NFIA: variants seen among roughly 807,000 people sequenced by gnomAD.
NFIA encodes nuclear factor I A, also known as nuclear factor 1 A-type.
A neutral mutation model predicts 62.8 loss-of-function variants in NFIA; 8 were observed. The ratio of observed to expected loss-of-function variants is 0.13; its 90% CI spans 0.07 to 0.23. The LOEUF is 0.23. NFIA is among the 10% of genes least tolerant of loss of function. The pLI is 1.00. For missense variants in NFIA, 410 were observed against 642.1 expected, an observed-to-expected ratio of 0.64 and a Z score of 3.91; for synonymous variants, 235 against 238.1, an observed-to-expected ratio of 0.99 and a Z score of 0.12.
intron 2 of NFIA, among the ~76,000 whole-genome samples, chr1:61,110,042 A>C (rs1314490334): frequency 6.6e-6 from 1 of 151,916 alleles, no homozygotes; most frequent in Non-Finnish European, 1.5e-5. Context: ...GTTGAGAGAG[A>C]GTGAAAGAGA....
chr1:61,344,651 G>T (rs1223686812), intron 4 of NFIA, among the ~76,000 whole-genome samples: 2 of 152,222 alleles, frequency 1.3e-5, no homozygotes, highest in African/African-American at 2.4e-5. Context: ...CTGGAATGAT[G>T]CCTGGCTCAC....
At chr1:61,340,718 G>C (rs1017246141) in intron 4 of NFIA, among the ~76,000 whole-genome samples, 1 of 152,140 alleles carries the variant, frequency 6.6e-6, no homozygotes, top group South Asian at 2.1e-4. Flanking sequence ...GTGTGTGTGC[G>C]TGTATAAATT....
chr1:61,101,388 T>G (rs1265760458), intron 2 of NFIA, among the ~76,000 whole-genome samples: 1 of 118,974 alleles, frequency 8.4e-6, no homozygotes, highest in Non-Finnish European at 1.7e-5. Flanking sequence ...AGAGTGAAAC[T>G]CCATCTCAAA....
intron 6 of NFIA, among the ~76,000 whole-genome samples, chr1:61,378,600 G>A (rs11807521): frequency 0.17 from 25,318 of 152,124 alleles, 2,902 homozygotes; most frequent in African/African-American, 0.33. Context: ...GCAACTTGAA[G>A]CAACACACAG....
At chr1:61,175,024 A>G (rs112855936) in intron 2 of NFIA, among the ~76,000 whole-genome samples, 31 of 150,458 alleles carry the variant, frequency 2.1e-4, no homozygotes, top group African/African-American at 6.6e-4. Context: ...TATAGGATTT[A>G]AAAAAAAACA....
At chr1:61,342,431 A>G (rs1168499440) in intron 4 of NFIA, among the ~76,000 whole-genome samples, 2 of 152,238 alleles carry the variant, frequency 1.3e-5, no homozygotes, top group African/African-American at 4.8e-5. Context: ...TGTATCAGAT[A>G]CTAAGCAGGT....
In NFIA at chr1:61,404,141, G is replaced by A. The variant is rs35326715; in HGVS notation, c.1113G>A (p.Pro371=). The stretch of plus-strand genomic sequence containing the variant: ...CAACACCATCGACTCTTCATTTCCC[G>A]ACATCACCCATTATCCAGCAGCCTG... ...PHATPSTLHF[P]TSPIIQQPGP... The change falls in exon 8 of 11, where the codon CCG becomes CCA. Residue 371 remains proline (P), a synonymous_variant. Coordinates refer to ENST00000403491, the MANE Select transcript of NFIA (RefSeq NM_001134673.4). 7.0e-4 allele frequency: 1,129 copies of A among 1,614,036 alleles called. 5 individuals are homozygous for A. In the African/African-American group the frequency reaches 0.011, roughly 15 times the overall value.
intron 4 of NFIA, among the ~76,000 whole-genome samples, chr1:61,350,244 T>A (rs1662476483): frequency 6.6e-6 from 1 of 152,188 alleles, no homozygotes; most frequent in Admixed American, 6.5e-5. Context: ...GCTGACAGTA[T>A]AATCCCCAGT....
At chr1:61,443,707 C>A (rs561057980) in intron 10 of NFIA, among the ~76,000 whole-genome samples, 1 of 152,206 alleles carries the variant, frequency 6.6e-6, no homozygotes, top group Non-Finnish European at 1.5e-5. Context: ...CACTTGCTTG[C>A]TGTTATAGAT....
chr1:61,168,279 T>G (rs1365878078), intron 2 of NFIA, among the ~76,000 whole-genome samples: 1 of 152,214 alleles, frequency 6.6e-6, no homozygotes, highest in South Asian at 2.1e-4. Context: ...AGCATTGACT[T>G]ATGTTTACAT....
At chr1:61,121,980 A>G (rs1322686544) in intron 2 of NFIA, among the ~76,000 whole-genome samples, 1 of 152,224 alleles carries the variant, frequency 6.6e-6, no homozygotes, top group Non-Finnish European at 1.5e-5. Flanking sequence ...GCAAATACAT[A>G]CATAAAAAGA....
At chr1:61,079,439 G>A (rs1260662830), upstream of NFIA, among the ~76,000 whole-genome samples, 1 of 152,124 alleles carries the variant, frequency 6.6e-6, no homozygotes, top group Non-Finnish European at 1.5e-5. Context: ...CACTAAAGCT[G>A]GCAAGGTAAC....
chr1:61,252,910 G>C (rs917743018), intron 2 of NFIA, among the ~76,000 whole-genome samples: 2 of 152,148 alleles, frequency 1.3e-5, no homozygotes, highest in African/African-American at 4.8e-5. Context: ...TCTTTACAGA[G>C]TTTTAGAGAT....
At chr1:61,171,819 G>A (rs538734114) in intron 2 of NFIA, among the ~76,000 whole-genome samples, 5 of 152,254 alleles carry the variant, frequency 3.3e-5, no homozygotes, top group African/African-American at 1.2e-4. Flanking sequence ...CTGTGTGCTT[G>A]CCTAGAGACA....
rs147919851 is a variant in NFIA at position 61,324,788 on chromosome 1, A to T, written c.626-7724A>T. On this transcript the variant is annotated intron_variant, in intron 3 of 10. Coordinates refer to ENST00000403491, the MANE Select transcript of NFIA (RefSeq NM_001134673.4). ...ATGGCATTTTCCATAATAACTGCTG[A>T]TATCATCAAGGTAAAGAGAGCTGCT... is the stretch of plus-strand genomic sequence containing the variant. Among the ~76,000 whole-genome samples the T allele has an allele frequency of 9.2e-5, 14 of 152,308 alleles. No individual in the cohort carries two copies. In the East Asian group the frequency reaches 2.7e-3, roughly 29 times the overall value.
At chr1:61,377,926 A>G (rs1034248989) in intron 6 of NFIA, among the ~76,000 whole-genome samples, 1 of 152,210 alleles carries the variant, frequency 6.6e-6, no homozygotes, top group African/African-American at 2.4e-5. Context: ...TGGAATAATT[A>G]TAGTTTATGG....
chr1:61,145,270 G>A (rs1306952232), intron 2 of NFIA, among the ~76,000 whole-genome samples: 1 of 152,056 alleles, frequency 6.6e-6, no homozygotes, highest in Non-Finnish European at 1.5e-5. Flanking sequence ...GATTTCACTG[G>A]TATTCTTTCT....
intron 3 of NFIA, among the ~76,000 whole-genome samples, chr1:61,290,843 C>T (rs1226742750): frequency 6.6e-6 from 1 of 152,068 alleles, no homozygotes; most frequent in African/African-American, 2.4e-5. Flanking sequence ...ATTTTTTCCC[C>T]TTATATAAAG....
chr1:61,345,303 G>C (rs892357520), intron 4 of NFIA, among the ~76,000 whole-genome samples: 1 of 152,054 alleles, frequency 6.6e-6, no homozygotes, highest in Non-Finnish European at 1.5e-5. Flanking sequence ...AGTTTAGAGG[G>C]GGCAAATAGG....
Sources: gnomAD v4.1 joint callset for allele counts (sites outside exome capture counted in the v4.1 genomes callset) on GRCh38, gnomAD v4.1.1 for gene constraint, MANE v1.5 for transcripts, NCBI Gene and HGNC (gene_info 2026-07-23, HGNC 2026-07-21) for gene names.